The following TLDC2 variants were observed in gnomAD, a reference collection of about 807,000 sequenced individuals.
The protein encoded by TLDC2 is TBC/LysM-associated domain containing 2, also known as TLD domain-containing protein 2.
Under a neutral mutation model 27.9 loss-of-function variants are expected in TLDC2, and 23 were observed. The observed-to-expected ratio is 0.82, with a 90% CI of 0.59 to 1.17. The LOEUF (loss-of-function observed/expected upper bound fraction) is 1.17. Ranked by LOEUF, TLDC2 falls within the 50% of genes most tolerant of loss-of-function variation. The pLI is 0.00. For missense variants in TLDC2, 286 were observed against 273.4 expected (o/e 1.05, Z -0.32); for synonymous variants, 124 against 107.4 (o/e 1.16, Z -0.96).
intron 6 of TLDC2, chr20:36,892,301 A>T (rs1244331812): frequency 6.3e-6 from 1 of 158,134 alleles, no homozygotes; most frequent in Non-Finnish European, 1.4e-5. Context: ...GGGTGAGGGG[A>T]GGTGTCTTTC....
At chr20:36,884,048 C>T (rs1989869715) in intron 4 of TLDC2, among the ~76,000 whole-genome samples, 1 of 152,160 alleles carries the variant, frequency 6.6e-6, no homozygotes, top group African/African-American at 2.4e-5. Context: ...GAGTTGAGAT[C>T]GTGCTGCTGC....
In TLDC2 at chr20:36,893,130, A is replaced by G; in HGVS notation, c.*286A>G. 1 of 1,593,712 alleles carries G rather than the reference A, an allele frequency of 6.3e-7. No individual in the cohort carries two copies. Among genetic ancestry groups the G allele is most frequent in the Admixed American group, 1.7e-5 (1 of 59,968 alleles). Reference sequence around the variant, plus strand: ...GCCAGTTTCCATCATCTTATTTCTGAGTGAAAGTCTCAAGTGCGCACATCC... The same window carrying G: ...GCCAGTTTCCATCATCTTATTTCTGGGTGAAAGTCTCAAGTGCGCACATCC... On this transcript the variant is annotated 3_prime_UTR_variant, in exon 7 of 7. Coordinates refer to ENST00000217320, the MANE Select transcript of TLDC2 (RefSeq NM_080628.3).
chr20:36,882,565 G>T (rs1989838611), intron 4 of TLDC2, among the ~76,000 whole-genome samples: 1 of 152,130 alleles, frequency 6.6e-6, no homozygotes, highest in African/African-American at 2.4e-5. Flanking sequence ...AGTGGATGAA[G>T]TCGTTCCAGG....
In TLDC2 at chr20:36,876,157, C is replaced by G. The variant is rs763074643; in HGVS notation, c.-18C>G. 1 of 1,614,162 alleles carries G rather than the reference C, an allele frequency of 6.2e-7. No homozygotes were observed. The highest frequency in any genetic ancestry group is 8.5e-7 in the Non-Finnish European group (1 of 1,179,994). Reference sequence around the variant, plus strand: ...GGATTCACTCACTGCCCACGGCCGGCTGAGCAGGGACAGGAGAATGAGAGG... The same window carrying G: ...GGATTCACTCACTGCCCACGGCCGGGTGAGCAGGGACAGGAGAATGAGAGG... On this transcript the variant is annotated 5_prime_UTR_variant, in exon 1 of 7. Coordinates refer to ENST00000217320, the MANE Select transcript of TLDC2 (RefSeq NM_080628.3).
At chr20:36,881,135 T>C (rs890726475) in intron 4 of TLDC2, among the ~76,000 whole-genome samples, 6 of 152,190 alleles carry the variant, frequency 3.9e-5, no homozygotes, top group Admixed American at 2.6e-4. Context: ...TAATCCTACT[T>C]TGGGAGGCCA....
At chr20:36,886,831 A>G (rs945919898) in intron 4 of TLDC2, among the ~76,000 whole-genome samples, 1 of 152,114 alleles carries the variant, frequency 6.6e-6, no homozygotes, top group African/African-American at 2.4e-5. Flanking sequence ...GCCATTGTTA[A>G]GGAGTTGAAT....
intron 4 of TLDC2, among the ~76,000 whole-genome samples, chr20:36,887,142 C>A (rs1404113658): frequency 6.6e-6 from 1 of 152,074 alleles, no homozygotes; most frequent in Admixed American, 6.6e-5. Flanking sequence ...AGTATCAGTT[C>A]CCACTCCTGG....
intron 5 of TLDC2, among the ~76,000 whole-genome samples, chr20:36,888,363 C>T (rs1989972775): frequency 6.6e-6 from 1 of 151,750 alleles, no homozygotes; most frequent in Admixed American, 6.6e-5. Context: ...TCTCGAGTAG[C>T]TGGGACAACA....
At chr20:36,890,410 C>CTTTCTT (rs1568754706) in intron 6 of TLDC2, 1 of 149,820 alleles carries the variant, frequency 6.7e-6, no homozygotes, top group African/African-American at 2.5e-5. Flanking sequence ...TTCTTTCTTT[C>CTTTCTT]TTTCTTTCTT....
intron 2 of TLDC2, among the ~76,000 whole-genome samples, chr20:36,878,744 G>A (rs1295991087): frequency 6.6e-5 from 10 of 151,682 alleles, no homozygotes; most frequent in Non-Finnish European, 1.2e-4. Context: ...AGCAGAAAGA[G>A]TCCTGAGAGT....
intron 4 of TLDC2, among the ~76,000 whole-genome samples, chr20:36,886,303 A>T (rs1989919233): frequency 1.3e-5 from 2 of 152,014 alleles, no homozygotes; most frequent in African/African-American, 4.8e-5. Context: ...AGGTTTAAAA[A>T]TTTGTTTTAG....
In TLDC2 at chr20:36,877,864, C is replaced by A. The variant is rs373066156; in HGVS notation, c.34-35C>A. 2.1e-5 allele frequency: 33 copies of A among 1,596,294 alleles called. No homozygotes were observed. The Admixed American group carries it at 3.1e-4, about 15-fold the overall frequency. On this transcript the variant is annotated intron_variant, in intron 1 of 6. Transcript: ENST00000217320. ...GATGGTAGAAGCTGGGACCTCCTGT[C>A]CCTGGACACACCAGGCCACTTTGTG...
intron 4 of TLDC2, among the ~76,000 whole-genome samples, chr20:36,887,074 G>A (rs1989936018): frequency 6.6e-6 from 1 of 152,098 alleles, no homozygotes; most frequent in Non-Finnish European, 1.5e-5. Context: ...CTGGATGTGA[G>A]GCAGCACTGA....
rs1490264085 is a variant in TLDC2 at position 36,893,748 on chromosome 20, A to G, written c.*904A>G. 1 of 396,268 alleles carries G rather than the reference A, an allele frequency of 2.5e-6. No homozygotes were observed. The highest frequency in any genetic ancestry group is 4.4e-6 in the Non-Finnish European group (1 of 225,164). The allele number at this position is 396,268 out of a possible 1,614,324, so 24.5% of individuals were successfully genotyped here. ...GATCTTGGAGAGCCTCTGTTGTACC[A>G]GGAATACAATGCTGGTGGGAGGATT... On this transcript the variant is annotated 3_prime_UTR_variant, in exon 7 of 7. Coordinates refer to ENST00000217320, the MANE Select transcript of TLDC2 (RefSeq NM_080628.3).
At chr20:36,886,609 A>T (rs986759322) in intron 4 of TLDC2, among the ~76,000 whole-genome samples, 1 of 151,970 alleles carries the variant, frequency 6.6e-6, no homozygotes, top group Non-Finnish European at 1.5e-5. Context: ...AGAGAAAAAA[A>T]ATTTTTTTTA....
chr20:36,880,392 G>T (rs543537803), intron 3 of TLDC2, among the ~76,000 whole-genome samples: 2 of 152,026 alleles, frequency 1.3e-5, no homozygotes, highest in African/African-American at 4.8e-5. Flanking sequence ...CATCACGCTC[G>T]GCCCAGAATA....
chr20:36,888,078 G>A (rs530183469), intron 5 of TLDC2, among the ~76,000 whole-genome samples: 7 of 152,124 alleles, frequency 4.6e-5, no homozygotes, highest in Non-Finnish European at 1.0e-4. Context: ...GGGCAGCTTG[G>A]CACAGAACAC....
At chr20:36,877,404 G>GA (rs1989696457) in intron 1 of TLDC2, among the ~76,000 whole-genome samples, 1 of 145,838 alleles carries the variant, frequency 6.9e-6, no homozygotes, top group Non-Finnish European at 1.5e-5. Context: ...AAAGGAAAAA[G>GA]AAAAAAGAAG....
Position 36,893,009 on chromosome 20 carries a change from T to C in TLDC2, c.*165T>C, listed in dbSNP as rs1311720542. ...AGGCGAGTTGGATTTTGGACTGAAG[T>C]ACTGTCGTTCCATTCCTTTTTTTGA... is the stretch of plus-strand genomic sequence containing the variant. On this transcript the variant is annotated 3_prime_UTR_variant, in exon 7 of 7. Transcript: ENST00000217320. 7 of 1,613,986 alleles carry C rather than the reference T, an allele frequency of 4.3e-6. No individual in the cohort carries two copies. Among genetic ancestry groups the C allele is most frequent in the African/African-American group, 1.3e-5 (1 of 74,908 alleles).
Sources: allele counts gnomAD v4.1 joint callset (sites outside exome capture counted in the v4.1 genomes callset), GRCh38; gene constraint gnomAD v4.1.1; transcripts MANE v1.5; gene names NCBI Gene and HGNC (gene_info 2026-07-23, HGNC 2026-07-21).